TTLL9: variants seen among roughly 807,000 people sequenced by gnomAD.
TTLL9 encodes tubulin tyrosine ligase like 9.
TTLL9 carries 47 observed loss-of-function variants against 65.6 expected under a neutral mutation model. The observed-to-expected ratio is 0.72, with a 90% CI of 0.57 to 0.91. The LOEUF is 0.91. Among genes scored for constraint, TTLL9 ranks in the 40% least tolerant of loss-of-function variants. The probability of loss-of-function intolerance (pLI) is 0.00; values close to 1 mark genes in which losing one functional copy is unlikely to be tolerated. For synonymous variants in TTLL9, 179 were observed against 204.8 expected (o/e 0.87, Z 1.07); for missense variants, 537 against 568.8 (o/e 0.94, Z 0.57).
chr20:31,883,821 C>T (rs2063151380), intron 2 of TTLL9, among the ~76,000 whole-genome samples: 1 of 152,060 alleles, frequency 6.6e-6, no homozygotes. Context: ...TAGGAACCTA[C>T]AGCCAATATC....
At chr20:31,919,732 C>G (rs1039873270) in intron 6 of TTLL9, 132 bp from the exon 7 acceptor site, 2 of 641,488 alleles carry the variant, frequency 3.1e-6, no homozygotes, top group South Asian at 6.3e-5. Flanking sequence ...CTTCAGCTAG[C>G]CTTCCTCTGG....
chr20:31,894,686 A>G (rs59656327), intron 3 of TTLL9, among the ~76,000 whole-genome samples: 17,003 of 151,852 alleles, frequency 0.11, 1,053 homozygotes, highest in Middle Eastern at 0.23. Context: ...ATATACACAT[A>G]CATACACACA....
At chr20:31,925,744 A>G (rs1600605512) in intron 9 of TTLL9, 3 of 762,432 alleles carry the variant, frequency 3.9e-6, no homozygotes, top group East Asian at 5.4e-5. Flanking sequence ...AGGTGCCTGA[A>G]GGATGATTTG....
Position 31,885,946 on chromosome 20 carries a change from A to G in TTLL9, c.70-1250A>G, listed in dbSNP as rs141927492. Among the ~76,000 whole-genome samples the G allele has an allele frequency of 2.7e-3, 404 of 152,380 alleles. 4 individuals are homozygous for G. Among genetic ancestry groups the G allele is most frequent in the African/African-American group, 9.4e-3 (392 of 41,590 alleles). ...GAAGTGCCTGTGGGGGCCACACTGC[A>G]GGGAGCTGCAGGCAGCCTCTAGGAG... On this transcript the variant is annotated intron_variant, in intron 2 of 14. Transcript: ENST00000535842.
At chr20:31,937,610 C>A in intron 13 of TTLL9, 101 bp downstream of exon 13, 1 of 889,586 alleles carries the variant, frequency 1.1e-6, no homozygotes, top group Non-Finnish European at 1.7e-6. Context: ...GAGTGGCCCT[C>A]AGCGATGGCT....
intron 10 of TTLL9, among the ~76,000 whole-genome samples, chr20:31,926,935 T>C (rs4243977): frequency 0.28 from 42,303 of 151,244 alleles, 6,041 homozygotes; most frequent in South Asian, 0.38. Flanking sequence ...TGAGATCCTG[T>C]CTCTATGAAA....
chr20:31,894,095 G>GTGCTTT (rs2063348458), intron 3 of TTLL9, among the ~76,000 whole-genome samples: 1 of 118,902 alleles, frequency 8.4e-6, no homozygotes, highest in Non-Finnish European at 1.8e-5. Flanking sequence ...TTTCCATTTG[G>GTGCTTT]TTCTTTTTTT....
intron 14 of TTLL9, among the ~76,000 whole-genome samples, chr20:31,941,699 C>T (rs1158707450): frequency 6.6e-6 from 1 of 152,126 alleles, no homozygotes; most frequent in Non-Finnish European, 1.5e-5. Context: ...AGTAGCTAGG[C>T]CTACAGGCAC....
chr20:31,880,451 G>A (rs1442745113), intron 2 of TTLL9, among the ~76,000 whole-genome samples: 12 of 151,812 alleles, frequency 7.9e-5, no homozygotes, highest in Non-Finnish European at 7.4e-5. Flanking sequence ...AGTCCAAGAG[G>A]GAAAATGAAT....
chr20:31,894,098 CTTTTTTTTTTT>C (rs1162101774), intron 3 of TTLL9, among the ~76,000 whole-genome samples: 1 of 92,082 alleles, frequency 1.1e-5, no homozygotes, highest in African/African-American at 4.2e-5. Flanking sequence ...CCATTTGGTT[CTTTTTTTTTTT>C]TTTTTTTTTT....
At chr20:31,907,260 T>C (rs1298120434) in intron 4 of TTLL9, among the ~76,000 whole-genome samples, 1 of 152,184 alleles carries the variant, frequency 6.6e-6, no homozygotes, top group Non-Finnish European at 1.5e-5. Flanking sequence ...TAACAGAACC[T>C]AACACTTCAG....
intron 4 of TTLL9, among the ~76,000 whole-genome samples, chr20:31,907,850 T>G (rs2063582103): frequency 6.6e-6 from 1 of 152,202 alleles, no homozygotes; most frequent in Non-Finnish European, 1.5e-5. Flanking sequence ...CAGTTGTATC[T>G]GTACTTTTTT....
At chr20:31,914,218 T>G (rs1042496540) in intron 6 of TTLL9, among the ~76,000 whole-genome samples, 2 of 152,238 alleles carry the variant, frequency 1.3e-5, no homozygotes, top group Non-Finnish European at 2.9e-5. Flanking sequence ...AGAGTCGGGA[T>G]GCTTTACTCA....
chr20:31,893,007 A>G (rs2063329441), intron 3 of TTLL9, among the ~76,000 whole-genome samples: 1 of 152,140 alleles, frequency 6.6e-6, no homozygotes, highest in African/African-American at 2.4e-5. Flanking sequence ...AAAGTATTCC[A>G]TATTTACCCC....
At chr20:31,922,636 T>A (rs1052634555) in intron 7 of TTLL9, among the ~76,000 whole-genome samples, 1 of 152,260 alleles carries the variant, frequency 6.6e-6, no homozygotes, top group Non-Finnish European at 1.5e-5. Flanking sequence ...TTACTTTTCA[T>A]CAAGGTAAAT....
chr20:31,923,453 G>A (rs1312794190), intron 8 of TTLL9, among the ~76,000 whole-genome samples: 1 of 152,334 alleles, frequency 6.6e-6, no homozygotes, highest in South Asian at 2.1e-4. Flanking sequence ...GTCCCATGCA[G>A]TGCTGGGTGC....
intron 13 of TTLL9, 61 bp from the exon 14 acceptor site, chr20:31,939,081 T>G (rs2064163690): frequency 6.7e-7 from 1 of 1,489,214 alleles, no homozygotes; most frequent in Non-Finnish European, 8.9e-7. Context: ...GGACCTCACT[T>G]GGGTCTTAGG....
intron 9 of TTLL9, 146 bp from the exon 10 acceptor site, chr20:31,925,903 G>A (rs1390156962): frequency 1.9e-6 from 3 of 1,552,068 alleles, no homozygotes; most frequent in Non-Finnish European, 2.6e-6. Flanking sequence ...GCTCTACCGG[G>A]ATGGCTTTGC....
intron 4 of TTLL9, among the ~76,000 whole-genome samples, chr20:31,902,640 C>T (rs2063495155): frequency 1.3e-5 from 2 of 152,102 alleles, no homozygotes; most frequent in Admixed American, 1.3e-4. Flanking sequence ...CATGATGCTG[C>T]TGTGAATATT....
Sources: allele counts gnomAD v4.1 joint callset (sites outside exome capture counted in the v4.1 genomes callset), GRCh38; gene constraint gnomAD v4.1.1; transcripts MANE v1.5; gene names NCBI Gene and HGNC (gene_info 2026-07-23, HGNC 2026-07-21).